ARHGEF9: variants seen among roughly 807,000 people sequenced by gnomAD.
The protein encoded by ARHGEF9 is rho guanine nucleotide exchange factor 9.
A neutral mutation model predicts 41.3 loss-of-function variants in ARHGEF9; 2 were observed. The observed-to-expected ratio is 0.05, with a 90% confidence interval of 0.02 to 0.15. The LOEUF is 0.15. ARHGEF9 is among the 10% of genes least tolerant of loss of function. The probability of loss-of-function intolerance (pLI) is 1.00; values close to 1 mark genes in which losing one functional copy is unlikely to be tolerated. For synonymous variants in ARHGEF9, 160 were observed against 154.4 expected (o/e 1.04, Z -0.27); for missense variants, 225 against 424.7 (o/e 0.53, Z 4.13).
At chrX:63,711,377 G>A (rs1410042898) in intron 2 of ARHGEF9, among the ~76,000 whole-genome samples, 1 of 111,429 alleles carries the variant, frequency 9.0e-6, no homozygotes, top group African/African-American at 3.3e-5. Context: ...AATAAAGTTG[G>A]AGGACTCACA....
intron 2 of ARHGEF9, among the ~76,000 whole-genome samples, chrX:63,723,973 T>C (rs2053802585): frequency 8.9e-6 from 1 of 111,874 alleles, no homozygotes; most frequent in African/African-American, 3.3e-5. Flanking sequence ...TAAAATTTGA[T>C]ATCAGTAAGC....
At chrX:63,747,303 CT>C (rs1209657290) in intron 1 of ARHGEF9, among the ~76,000 whole-genome samples, 2 of 110,615 alleles carry the variant, frequency 1.8e-5, no homozygotes, top group South Asian at 3.9e-4. Flanking sequence ...TAGGAACTGA[CT>C]TTTTTTTTAT....
rs188239908 is a variant in ARHGEF9, at chrX:63,669,173, G to T, written c.946-3156C>A. Among the ~76,000 whole-genome samples the T allele has an allele frequency of 3.6e-3, 407 of 111,829 alleles. 3 individuals are homozygous for T. Among genetic ancestry groups the T allele is most frequent in the African/African-American group, 0.013 (385 of 30,755 alleles). On this transcript the variant is annotated intron_variant, in intron 6 of 9. Coordinates refer to ENST00000671741, the MANE Select transcript of ARHGEF9 (RefSeq NM_001353921.2). Reference sequence around the variant, plus strand: ...GGAGACAGCCCTCTCATTGTTTAGAGATCTCACCCTTGCTTCCTCTGCTCC... The same window carrying T: ...GGAGACAGCCCTCTCATTGTTTAGATATCTCACCCTTGCTTCCTCTGCTCC...
At chrX:63,662,339 A>G (rs782304749) in intron 7 of ARHGEF9, among the ~76,000 whole-genome samples, 1 of 111,877 alleles carries the variant, frequency 8.9e-6, no homozygotes, top group South Asian at 3.7e-4. Context: ...CAAGGAAACC[A>G]TGGGAAAATC....
chrX:63,663,138 A>G (rs1167527384), intron 7 of ARHGEF9, among the ~76,000 whole-genome samples: 1 of 111,712 alleles, frequency 9.0e-6, no homozygotes, highest in Non-Finnish European at 1.9e-5. Flanking sequence ...TTGGGCTTCA[A>G]TTCCCTTTGA....
intron 4 of ARHGEF9, among the ~76,000 whole-genome samples, chrX:63,679,984 G>T (rs1244439283): frequency 8.9e-6 from 1 of 112,265 alleles, no homozygotes; most frequent in Non-Finnish European, 1.9e-5. Flanking sequence ...AGTGAATTTG[G>T]TTATGTGTCA....
intron 9 of ARHGEF9, among the ~76,000 whole-genome samples, chrX:63,639,028 C>T (rs1232176330): frequency 2.7e-5 from 3 of 112,174 alleles, no homozygotes; most frequent in African/African-American, 9.7e-5. Context: ...AAGTTTAATC[C>T]TGATCTACAT....
chrX:63,657,673 T>C (rs1201272276), intron 7 of ARHGEF9: 2 of 111,412 alleles, frequency 1.8e-5, no homozygotes, highest in African/African-American at 6.5e-5. Flanking sequence ...CCTTTTACCA[T>C]GTTCAGTGTG....
intron 1 of ARHGEF9, among the ~76,000 whole-genome samples, chrX:63,730,372 G>T (rs147187982): frequency 8.9e-6 from 1 of 111,908 alleles, no homozygotes; most frequent in East Asian, 2.8e-4. Context: ...CAGTTAGTAG[G>T]TGGTGGAGCA....
intron 1 of ARHGEF9, among the ~76,000 whole-genome samples, chrX:63,778,556 C>G (rs782408575): frequency 8.9e-6 from 1 of 112,602 alleles, no homozygotes; most frequent in Admixed American, 9.4e-5. Context: ...TTTTCTATTG[C>G]ATGGCCAGGG....
intron 1 of ARHGEF9, among the ~76,000 whole-genome samples, chrX:63,729,763 T>TTTA (rs1260019155): frequency 9.0e-6 from 1 of 111,674 alleles, no homozygotes; most frequent in Non-Finnish European, 1.9e-5. Context: ...AAGCACTAAA[T>TTTA]ATAGGGAAGC....
intron 1 of ARHGEF9, among the ~76,000 whole-genome samples, chrX:63,751,242 C>T (rs1357846370): frequency 9.0e-6 from 1 of 110,575 alleles, no homozygotes; most frequent in East Asian, 2.8e-4. Flanking sequence ...TTACTTCTCA[C>T]CCATTTACAG....
chrX:63,717,004 G>A (rs1370351800), intron 2 of ARHGEF9, among the ~76,000 whole-genome samples: 4 of 112,133 alleles, frequency 3.6e-5, no homozygotes, highest in Non-Finnish European at 7.5e-5. Flanking sequence ...TGAGTCCATC[G>A]CACACATGGC....
At chrX:63,758,127 C>CTTT (rs781853715) in intron 1 of ARHGEF9, among the ~76,000 whole-genome samples, 2 of 86,744 alleles carry the variant, frequency 2.3e-5, no homozygotes, top group African/African-American at 4.2e-5. Context: ...GAGAATGGGA[C>CTTT]TTTTTTTTTT....
rs1371280221 is a variant in ARHGEF9 at position 63,734,693 on chromosome X, A to C, written c.31-9982T>G. On this transcript the variant is annotated intron_variant, in intron 1 of 9. Coordinates refer to ENST00000671741, the MANE Select transcript of ARHGEF9 (RefSeq NM_001353921.2). ...GAATTACGGTGGCCTGTCGGAGAGG[A>C]TTTCTCCCAGCCTGCCTTGAGAGAC... Among the ~76,000 whole-genome samples, 3 of 111,044 alleles carry C rather than the reference A, an allele frequency of 2.7e-5. No homozygotes were observed. In the East Asian group the frequency reaches 8.6e-4, roughly 32 times the overall value.
chrX:63,765,732 C>A (rs1244311023), intron 1 of ARHGEF9, among the ~76,000 whole-genome samples: 1 of 112,058 alleles, frequency 8.9e-6, no homozygotes, highest in African/African-American at 3.2e-5. Context: ...TACAGTTCTA[C>A]ACATTTGGGA....
intron 1 of ARHGEF9, among the ~76,000 whole-genome samples, chrX:63,750,936 A>G (rs111320442): frequency 0.038 from 4,206 of 111,430 alleles, 133 homozygotes; most frequent in African/African-American, 0.099. Context: ...TCCAAGTCCC[A>G]CTAGGCTCTA....
intron 1 of ARHGEF9, among the ~76,000 whole-genome samples, chrX:63,770,562 G>T (rs1245709587): frequency 1.8e-5 from 2 of 112,221 alleles, no homozygotes; most frequent in Non-Finnish European, 3.8e-5. Context: ...GGCAAAATTG[G>T]TTTTAAAATG....
At chrX:63,783,060 C>T (rs1441215987) in intron 1 of ARHGEF9, among the ~76,000 whole-genome samples, 9 of 112,014 alleles carry the variant, frequency 8.0e-5, no homozygotes, top group African/African-American at 2.3e-4. Context: ...TCAACCAATC[C>T]TTAATTACAC....
Sources: gnomAD v4.1 joint callset for allele counts (sites outside exome capture counted in the v4.1 genomes callset) on GRCh38, gnomAD v4.1.1 for gene constraint, MANE v1.5 for transcripts, NCBI Gene and HGNC (gene_info 2026-07-23, HGNC 2026-07-21) for gene names.